Variants in NELL1 observed in about 807,000 individuals in gnomAD.
NELL1 encodes neural EGFL like 1, also known as protein kinase C-binding protein NELL1.
NELL1 carries 76 observed loss-of-function variants against 107.4 expected under a neutral mutation model. That is an observed-to-expected ratio of 0.71 (90% CI 0.59 to 0.86). The LOEUF is 0.86. NELL1 is among the 40% of genes least tolerant of loss of function. NELL1 has a pLI of 0.00. For synonymous variants in NELL1, 353 were observed against 341.2 expected, an observed-to-expected ratio of 1.03 and a Z score of -0.38; for missense variants, 1,024 against 1,005.5, an observed-to-expected ratio of 1.02 and a Z score of -0.25.
chr11:21,179,710 A>G (rs1565098493), intron 13 of NELL1, among the ~76,000 whole-genome samples: 1 of 151,836 alleles, frequency 6.6e-6, no homozygotes, highest in Admixed American at 6.6e-5. Flanking sequence ...GAGACTTGAC[A>G]TAAAGAGAAT....
chr11:21,226,615 TA>T (rs1311232525), intron 13 of NELL1, among the ~76,000 whole-genome samples: 1 of 152,214 alleles, frequency 6.6e-6, no homozygotes, highest in African/African-American at 2.4e-5. Flanking sequence ...TTATGGAAGA[TA>T]TTAATAGATA....
chr11:21,222,871 T>A (rs959419471), intron 13 of NELL1, among the ~76,000 whole-genome samples: 7 of 43,718 alleles, frequency 1.6e-4, no homozygotes, highest in Non-Finnish European at 4.0e-4. Flanking sequence ...CCTCTTGGTA[T>A]TGATTTCTAG....
At chr11:20,850,805 T>G (rs1461439846) in intron 4 of NELL1, among the ~76,000 whole-genome samples, 1 of 152,190 alleles carries the variant, frequency 6.6e-6, no homozygotes, top group African/African-American at 2.4e-5. Context: ...GATATACATT[T>G]ATTGAGCCTC....
At chr11:21,097,579 T>G (rs1854678773) in intron 12 of NELL1, among the ~76,000 whole-genome samples, 1 of 152,038 alleles carries the variant, frequency 6.6e-6, no homozygotes, top group African/African-American at 2.4e-5. Flanking sequence ...GATGTGCAAT[T>G]TCGGGGGAAC....
intron 15 of NELL1, among the ~76,000 whole-genome samples, chr11:21,439,863 A>G (rs997859334): frequency 1.3e-5 from 2 of 152,092 alleles, no homozygotes; most frequent in African/African-American, 4.8e-5. Context: ...TTTTTTTCCA[A>G]ACTCTTACTA....
intron 14 of NELL1, among the ~76,000 whole-genome samples, chr11:21,240,204 T>C (rs1277058037): frequency 6.6e-6 from 1 of 152,100 alleles, no homozygotes; most frequent in Non-Finnish European, 1.5e-5. Flanking sequence ...GTATTTTAGA[T>C]GAACTGTTCA....
chr11:20,882,187 G>A (rs575651668), intron 4 of NELL1, among the ~76,000 whole-genome samples: 5 of 152,322 alleles, frequency 3.3e-5, no homozygotes, highest in Admixed American at 6.5e-5. Flanking sequence ...ATAGGGGTAC[G>A]TGTAGGAATG....
intron 4 of NELL1, among the ~76,000 whole-genome samples, chr11:20,878,943 A>T (rs750888594): frequency 7.9e-5 from 12 of 152,202 alleles, no homozygotes; most frequent in African/African-American, 1.7e-4. Flanking sequence ...AAGCTAAGTG[A>T]TGGAGACTGA....
chr11:21,362,528 ATGT>A (rs1181968919), intron 14 of NELL1, among the ~76,000 whole-genome samples: 2 of 152,132 alleles, frequency 1.3e-5, no homozygotes, highest in African/African-American at 4.8e-5. Context: ...GTTAGCCAAG[ATGT>A]TGTGGGCATT....
intron 15 of NELL1, among the ~76,000 whole-genome samples, chr11:21,470,190 T>C (rs950613145): frequency 2.6e-5 from 4 of 152,040 alleles, no homozygotes; most frequent in African/African-American, 4.8e-5. Flanking sequence ...GGTTGCAAAA[T>C]TGGTACAAAG....
At chr11:21,081,246 C>T (rs186683328) in intron 12 of NELL1, among the ~76,000 whole-genome samples, 1 of 152,166 alleles carries the variant, frequency 6.6e-6, no homozygotes, top group Non-Finnish European at 1.5e-5. Flanking sequence ...ACTTTCTTCT[C>T]TTTTCTGTGG....
At chr11:21,100,929 G>A (rs1854790508) in intron 12 of NELL1, among the ~76,000 whole-genome samples, 1 of 151,884 alleles carries the variant, frequency 6.6e-6, no homozygotes, top group Non-Finnish European at 1.5e-5. Flanking sequence ...ATGTTGGTGT[G>A]CTGCACCCAG....
intron 15 of NELL1, among the ~76,000 whole-genome samples, chr11:21,393,839 T>G (rs1851929173): frequency 6.6e-6 from 1 of 151,718 alleles, no homozygotes; most frequent in African/African-American, 2.4e-5. Context: ...GTTAACGTGC[T>G]AGGTGGTTGA....
chr11:20,835,752 C>T (rs890366671), intron 3 of NELL1, among the ~76,000 whole-genome samples: 1 of 152,142 alleles, frequency 6.6e-6, no homozygotes, highest in African/African-American at 2.4e-5. Flanking sequence ...TGGACAAAGA[C>T]CCTATGCCTT....
chr11:20,701,989 C>A (rs1298763527), intron 2 of NELL1, among the ~76,000 whole-genome samples: 1 of 152,130 alleles, frequency 6.6e-6, no homozygotes, highest in African/African-American at 2.4e-5. Context: ...CTTGGCAATG[C>A]AGGCTCTTTT....
At chr11:20,803,629 C>T (rs1857322985) in intron 3 of NELL1, among the ~76,000 whole-genome samples, 1 of 152,084 alleles carries the variant, frequency 6.6e-6, no homozygotes, top group Non-Finnish European at 1.5e-5. Context: ...CTTTAAGATG[C>T]ATCATTAAGT....
chr11:21,431,208 CA>C (rs1852956732), intron 15 of NELL1, among the ~76,000 whole-genome samples: 1 of 152,094 alleles, frequency 6.6e-6, no homozygotes, highest in African/African-American at 2.4e-5. Context: ...TTCACCTTCT[CA>C]AAGAGGTCTG....
chr11:21,203,597 A>T (rs770321066), intron 13 of NELL1, among the ~76,000 whole-genome samples: 14 of 152,110 alleles, frequency 9.2e-5, no homozygotes, highest in Admixed American at 7.9e-4. Flanking sequence ...TAATTGGGGC[A>T]TTTAGCCCAT....
At chr11:21,303,678 A>G (rs1849546504) in intron 14 of NELL1, among the ~76,000 whole-genome samples, 2 of 152,122 alleles carry the variant, frequency 1.3e-5, no homozygotes, top group Admixed American at 1.3e-4. Context: ...AAAGGAAAAG[A>G]AATCAATATA....
Sources: allele counts gnomAD v4.1 joint callset (sites outside exome capture counted in the v4.1 genomes callset), GRCh38; gene constraint gnomAD v4.1.1; transcripts MANE v1.5; gene names NCBI Gene and HGNC (gene_info 2026-07-23, HGNC 2026-07-21).